The following KIF16B variants were observed in gnomAD, a reference collection of about 807,000 sequenced individuals.
KIF16B encodes kinesin family member 16B.
A neutral mutation model predicts 156.3 loss-of-function variants in KIF16B; 98 were observed. That is an observed-to-expected ratio of 0.63 (90% CI 0.53 to 0.74). The LOEUF is 0.74. Ranked by LOEUF, KIF16B falls within the 30% of genes least tolerant of loss-of-function variation. KIF16B has a pLI of 0.00. For synonymous variants in KIF16B, 564 were observed against 583.7 expected (o/e 0.97, Z 0.49); for missense variants, 1,421 against 1,606.5 (o/e 0.88, Z 1.97).
intron 1 of KIF16B, among the ~76,000 whole-genome samples, chr20:16,550,593 T>C (rs2070609197): frequency 6.9e-6 from 1 of 144,058 alleles, no homozygotes; most frequent in Non-Finnish European, 1.5e-5. Context: ...AGTGCAGTGG[T>C]GCGATCAGAG....
intron 17 of KIF16B, among the ~76,000 whole-genome samples, chr20:16,393,855 T>C (rs1203819516): frequency 1.3e-5 from 2 of 152,190 alleles, no homozygotes; most frequent in East Asian, 1.9e-4. Context: ...GATTTGGTCA[T>C]GTGAAGAGCC....
rs151167035 is a variant in KIF16B at position 16,424,052 on chromosome 20, C to T, written c.1612+3052G>A. Among the ~76,000 whole-genome samples, 857 of 152,176 alleles carry T rather than the reference C, an allele frequency of 5.6e-3. 1 individual carries two copies. The highest frequency in any genetic ancestry group is 9.6e-3 in the Non-Finnish European group (650 of 68,000). On this transcript the variant is annotated intron_variant, in intron 15 of 25. Transcript: ENST00000354981. ...AATACTGCTGCCTGGAAATAACCTG[C>T]CCCTCCATTCTACATTGCTAGAGCC... is the stretch of plus-strand genomic sequence containing the variant.
intron 25 of KIF16B, among the ~76,000 whole-genome samples, chr20:16,300,099 G>A (rs1271246242): frequency 2.6e-5 from 4 of 152,118 alleles, no homozygotes; most frequent in South Asian, 2.1e-4. Flanking sequence ...ATGTGATTAC[G>A]ACATATTTCC....
Position 16,387,623 on chromosome 20 carries a change from G to A in KIF16B, c.1785-5876C>T, listed in dbSNP as rs4814481. 6.0e-3 allele frequency among the ~76,000 whole-genome samples: 917 copies of A among 152,310 alleles called. 46 individuals are homozygous for A. The highest frequency in any genetic ancestry group is 0.047 in the Admixed American group (725 of 15,290). On this transcript the variant is annotated intron_variant, in intron 17 of 25. Transcript: ENST00000354981. ...AAAGAATCACTGAAGATAACATCAC[G>A]ACTTAGAATGATGAAAGGCTTAGAA... is the stretch of plus-strand genomic sequence containing the variant.
At chr20:16,372,282 G>A (rs771014143) in intron 20 of KIF16B, among the ~76,000 whole-genome samples, 2 of 152,160 alleles carry the variant, frequency 1.3e-5, no homozygotes, top group African/African-American at 2.4e-5. Context: ...ATTGAACAGC[G>A]TCTAGCACAC....
At chr20:16,282,747 C>T (rs2063165703) in intron 25 of KIF16B, among the ~76,000 whole-genome samples, 1 of 152,108 alleles carries the variant, frequency 6.6e-6, no homozygotes, top group Admixed American at 6.5e-5. Flanking sequence ...TGCTCCTGGA[C>T]CTGGGCTCTG....
At chr20:16,429,175 G>A (rs2146433863) in intron 13 of KIF16B, among the ~76,000 whole-genome samples, 171 bp from the exon 14 acceptor site, 2 of 152,282 alleles carry the variant, frequency 1.3e-5, no homozygotes, top group South Asian at 4.1e-4. Context: ...AAAAGCCCCA[G>A]TTGTCTGGAA....
chr20:16,484,359 TA>T (rs1350674808), intron 12 of KIF16B, among the ~76,000 whole-genome samples: 1 of 152,208 alleles, frequency 6.6e-6, no homozygotes, highest in Non-Finnish European at 1.5e-5. Context: ...CCAAGTGCAA[TA>T]GCACTGACAG....
chr20:16,411,695 T>C (rs2146315092), intron 15 of KIF16B, among the ~76,000 whole-genome samples: 1 of 152,154 alleles, frequency 6.6e-6, no homozygotes, highest in African/African-American at 2.4e-5. Context: ...TTGTCCTTTG[T>C]GGGCATACTC....
intron 25 of KIF16B, among the ~76,000 whole-genome samples, chr20:16,300,029 A>C (rs950022007): frequency 2.0e-5 from 3 of 152,222 alleles, no homozygotes; most frequent in African/African-American, 7.2e-5. Flanking sequence ...AAGGATCTTT[A>C]CAACTGTTTG....
At chr20:16,542,698 G>C (rs1463780279) in intron 1 of KIF16B, among the ~76,000 whole-genome samples, 3 of 152,214 alleles carry the variant, frequency 2.0e-5, no homozygotes, top group Admixed American at 1.3e-4. Flanking sequence ...CTGCAGAAGA[G>C]AGAAACGGAA....
chr20:16,419,406 C>T (rs1248658772), intron 15 of KIF16B, among the ~76,000 whole-genome samples: 1 of 152,106 alleles, frequency 6.6e-6, no homozygotes, highest in Non-Finnish European at 1.5e-5. Context: ...TTTCTAGTTC[C>T]ACTAAAATTC....
At chr20:16,375,268 G>A (rs1317505439) in intron 19 of KIF16B, among the ~76,000 whole-genome samples, 2 of 152,164 alleles carry the variant, frequency 1.3e-5, no homozygotes, top group Non-Finnish European at 2.9e-5. Flanking sequence ...TTAAACACGG[G>A]TCTCAATTTC....
At chr20:16,352,321 G>T (rs1293585938) in intron 23 of KIF16B, among the ~76,000 whole-genome samples, 2 of 152,166 alleles carry the variant, frequency 1.3e-5, no homozygotes, top group African/African-American at 4.8e-5. Flanking sequence ...ACAAAAACCT[G>T]TCTACTTATA....
chr20:16,406,547 A>G, intron 15 of KIF16B, 91 bp from the exon 16 acceptor site: 1 of 1,071,064 alleles, frequency 9.3e-7, no homozygotes, highest in Non-Finnish European at 1.4e-6. Context: ...TTGAAATGTA[A>G]TTTCCAGTGT....
chr20:16,338,446 G>A (rs1365952345), intron 23 of KIF16B, among the ~76,000 whole-genome samples: 2 of 152,110 alleles, frequency 1.3e-5, no homozygotes, highest in Admixed American at 1.3e-4. Context: ...ACTGTCATCT[G>A]CTTCAGCCCT....
chr20:16,476,286 G>GA (rs1469043143), intron 12 of KIF16B, among the ~76,000 whole-genome samples: 2 of 152,188 alleles, frequency 1.3e-5, no homozygotes, highest in Non-Finnish European at 2.9e-5. Context: ...CCATAATTGG[G>GA]ATTGCCAATT....
chr20:16,454,383 TATAA>T (rs2067160884), intron 12 of KIF16B, among the ~76,000 whole-genome samples: 1 of 149,350 alleles, frequency 6.7e-6, no homozygotes, highest in African/African-American at 2.4e-5. Flanking sequence ...AAGTTTTATA[TATAA>T]ATAAAAATGT....
chr20:16,393,870 G>A (rs1158996835), intron 17 of KIF16B, among the ~76,000 whole-genome samples: 1 of 152,184 alleles, frequency 6.6e-6, no homozygotes, highest in African/African-American at 2.4e-5. Context: ...AGAGCCGGTG[G>A]ACAAATGGAC....
Sources: allele counts gnomAD v4.1 joint callset (sites outside exome capture counted in the v4.1 genomes callset), GRCh38; gene constraint gnomAD v4.1.1; transcripts MANE v1.5; gene names NCBI Gene and HGNC (gene_info 2026-07-23, HGNC 2026-07-21).